The following CSNK2A2 variants were observed in gnomAD, a reference collection of about 807,000 sequenced individuals.
CSNK2A2 encodes casein kinase II subunit alpha'.
A neutral mutation model predicts 54.0 loss-of-function variants in CSNK2A2; 8 were observed. The ratio of observed to expected loss-of-function variants is 0.15; its 90% CI spans 0.09 to 0.27. CSNK2A2 has a LOEUF of 0.27. Among genes scored for constraint, CSNK2A2 ranks in the 10% least tolerant of loss-of-function variants. CSNK2A2 has a pLI of 1.00. For missense variants in CSNK2A2, 242 were observed against 439.4 expected, an observed-to-expected ratio of 0.55 and a Z score of 4.02; for synonymous variants, 141 against 153.9, an observed-to-expected ratio of 0.92 and a Z score of 0.62.
rs576334100 is a variant in CSNK2A2, at chr16:58,169,425, T to G, written c.430-732A>C. On this transcript the variant is annotated intron_variant, in intron 5 of 11. Transcript: ENST00000262506. ...GTGCCTGTAATCCCAGCCACTCGAC[T>G]GGGCTGAGGCTGGAGAACTGCTTGA... Among the ~76,000 whole-genome samples the G allele has an allele frequency of 5.3e-5, 8 of 151,992 alleles. No homozygotes were observed. The East Asian group carries it at 1.6e-3, about 30-fold the overall frequency.
intron 8 of CSNK2A2, 113 bp downstream of exon 8, chr16:58,167,094 A>G: frequency 1.6e-6 from 1 of 634,738 alleles, no homozygotes; most frequent in Non-Finnish European, 2.6e-6. Flanking sequence ...AGAAAAGCTC[A>G]TATGCAGACA....
At chr16:58,182,416 G>T (rs568201852) in intron 4 of CSNK2A2, among the ~76,000 whole-genome samples, 2 of 142,442 alleles carry the variant, frequency 1.4e-5, no homozygotes, top group Admixed American at 6.9e-5. Context: ...CTAGCCAGGC[G>T]TGGTGGTGCA....
At chr16:58,193,429 C>A (rs1962363100) in intron 2 of CSNK2A2, among the ~76,000 whole-genome samples, 1 of 152,156 alleles carries the variant, frequency 6.6e-6, no homozygotes, top group African/African-American at 2.4e-5. Context: ...TAATTAATAT[C>A]TAGGGGAAAA....
intron 2 of CSNK2A2, 40 bp downstream of exon 2, chr16:58,196,693 T>A (rs536395783): frequency 7.5e-7 from 1 of 1,324,920 alleles, no homozygotes; most frequent in Admixed American, 1.7e-5. Context: ...TTTTGCCCTG[T>A]GGGGAGGAAA....
At chr16:58,190,084 A>G (rs1962289312) in intron 2 of CSNK2A2, among the ~76,000 whole-genome samples, 1 of 152,222 alleles carries the variant, frequency 6.6e-6, no homozygotes, top group African/African-American at 2.4e-5. Context: ...GAGAAAATAC[A>G]TATATTTCCA....
At chr16:58,164,018 G>T in intron 11 of CSNK2A2, 36 bp downstream of exon 11, 1 of 1,491,800 alleles carries the variant, frequency 6.7e-7, no homozygotes, top group Non-Finnish European at 9.3e-7. Context: ...GTGTTTGGTT[G>T]GTTGGTTTTA....
chr16:58,190,881 A>G (rs1471598007), intron 2 of CSNK2A2, among the ~76,000 whole-genome samples: 2 of 152,248 alleles, frequency 1.3e-5, no homozygotes, highest in Non-Finnish European at 2.9e-5. Context: ...TTCTGGGTCT[A>G]TACCCAAAAG....
intron 2 of CSNK2A2, among the ~76,000 whole-genome samples, chr16:58,187,911 G>A (rs1376978578): frequency 6.6e-6 from 1 of 152,158 alleles, no homozygotes; most frequent in Non-Finnish European, 1.5e-5. Flanking sequence ...GTGGCTAACG[G>A]GAGAAACGTA....
intron 11 of CSNK2A2, chr16:58,162,081 T>TA (rs909329069): frequency 4.2e-5 from 6 of 142,564 alleles, no homozygotes; most frequent in Non-Finnish European, 6.2e-5. Flanking sequence ...ACAGGCAACT[T>TA]AAAAAAAAAA....
At position 58,197,056 on chromosome 16, in the gene CSNK2A2, G is replaced by C. The variant is rs2142460277; in HGVS notation, c.105-212C>G. On this transcript the variant is annotated intron_variant, in intron 1 of 11. Coordinates refer to ENST00000262506, the MANE Select transcript of CSNK2A2 (RefSeq NM_001896.4). The surrounding 1 kb of genome is among the most constrained non-coding windows in gnomAD (Gnocchi z 4.0). ...AACCTAATTGGTCTCTCCTAACTTG[G>C]GAAGATGGGGCAGGAAGGCAACGCT... is the stretch of plus-strand genomic sequence containing the variant. The C allele has an allele frequency of 3.8e-6, 2 of 526,968 alleles. No individual in the cohort carries two copies. Among genetic ancestry groups the C allele is most frequent in the South Asian group, 4.1e-5 (2 of 49,176 alleles). 32.6% of individuals were successfully genotyped at this position (526,968 alleles called of 1,614,324 possible). A position where few individuals can be genotyped will look rare whatever the true frequency, so the allele number is the denominator to read the frequency against.
At chr16:58,163,438 G>A (rs1439619743) in intron 11 of CSNK2A2, 1 of 152,080 alleles carries the variant, frequency 6.6e-6, no homozygotes, top group African/African-American at 2.4e-5. Context: ...ACATCAAAGA[G>A]GACTCTTGTG....
At chr16:58,196,671 T>A (rs1017242607) in intron 2 of CSNK2A2, 62 bp downstream of exon 2, 1 of 966,218 alleles carries the variant, frequency 1.0e-6, no homozygotes, top group South Asian at 1.3e-5. Context: ...GTGACTGGGG[T>A]ACCTTACAAA....
At chr16:58,172,712 A>G (rs1961775798) in intron 5 of CSNK2A2, among the ~76,000 whole-genome samples, 1 of 152,246 alleles carries the variant, frequency 6.6e-6, no homozygotes, top group South Asian at 2.1e-4. Flanking sequence ...ATGCTTTGAA[A>G]TTCTTTGGGG....
intron 4 of CSNK2A2, among the ~76,000 whole-genome samples, chr16:58,182,927 A>G (rs1962094998): frequency 6.6e-6 from 1 of 152,236 alleles, no homozygotes; most frequent in Non-Finnish European, 1.5e-5. Context: ...GTAAGGAGTC[A>G]CATTAACAAG....
intron 6 of CSNK2A2, 80 bp from the exon 7 acceptor site, chr16:58,167,875 G>C: frequency 9.5e-7 from 1 of 1,047,816 alleles, no homozygotes; most frequent in Non-Finnish European, 1.5e-6. Context: ...CATCACATTA[G>C]GTAACAATCA....
At chr16:58,173,335 C>T (rs1216283751) in intron 5 of CSNK2A2, among the ~76,000 whole-genome samples, 1 of 152,148 alleles carries the variant, frequency 6.6e-6, no homozygotes, top group Non-Finnish European at 1.5e-5. Flanking sequence ...TATAAAAACA[C>T]ATTCATTTCA....
chr16:58,164,022 G>T, intron 11 of CSNK2A2, 32 bp downstream of exon 11: 2 of 1,522,524 alleles, frequency 1.3e-6, no homozygotes, highest in Non-Finnish European at 1.8e-6. Flanking sequence ...TTGGTTGGTT[G>T]GTTTTATTGG....
At chr16:58,196,397 G>T (rs1487090702) in intron 2 of CSNK2A2, among the ~76,000 whole-genome samples, 4 of 150,458 alleles carry the variant, frequency 2.7e-5, no homozygotes, top group Non-Finnish European at 5.9e-5. Context: ...CCTTTTGGAG[G>T]ACTGCTTGAG....
chr16:58,182,374 CAAAAAAAAAAAAAAAAA>C (rs71155249), intron 4 of CSNK2A2, among the ~76,000 whole-genome samples: 6 of 25,748 alleles, frequency 2.3e-4, no homozygotes, highest in East Asian at 1.4e-3. Context: ...CTAAATATAC[CAAAAAAAAAAAAAAAAA>C]AAAAAAAAAA....
Sources: allele counts gnomAD v4.1 joint callset (sites outside exome capture counted in the v4.1 genomes callset), GRCh38; gene constraint gnomAD v4.1.1; non-coding constraint Gnocchi (gnomAD v3.1); transcripts MANE v1.5; gene names NCBI Gene and HGNC (gene_info 2026-07-23, HGNC 2026-07-21).